The following AGXT variants were observed in gnomAD, a reference collection of about 807,000 sequenced individuals.
AGXT encodes the protein L-alanine: glyoxylate aminotransferase 1.
AGXT carries 41 observed loss-of-function variants against 46.9 expected under a neutral mutation model. The ratio of observed to expected loss-of-function variants is 0.88; its 90% CI spans 0.68 to 1.14. AGXT has a LOEUF of 1.14. AGXT is among the 50% of genes most tolerant of loss of function. The pLI is 0.00. For synonymous variants in AGXT, 244 were observed against 227.9 expected (o/e 1.07, Z -0.64); for missense variants, 525 against 522.7 (o/e 1.00, Z -0.04).
In AGXT at chr2:240,878,816, C is replaced by A; in HGVS notation, c.1174C>A (p.Leu392Met). ...CCTGCAGCACTGCCCCAAGAAGAAG[C>A]TGTGACCTGCCCACTGGCACACAGC... ...AALQHCPKKK[L>M] is the part of the protein sequence containing the mutation. Residue 392 changes from leucine (L) to methionine (M), a missense_variant, in exon 11 of 11, where the codon CTG becomes ATG. Coordinates refer to ENST00000307503, the MANE Select transcript of AGXT (RefSeq NM_000030.3). 1.9e-6 allele frequency: 3 copies of A among 1,589,582 alleles called. No homozygotes were observed. The highest frequency in any genetic ancestry group is 2.3e-5 in the South Asian group (2 of 87,048).
At position 240,868,836 on chromosome 2, in the gene AGXT, G is replaced by A. The variant is rs1384282971; in HGVS notation, c.-30G>A. On this transcript the variant is annotated 5_prime_UTR_variant, in exon 1 of 11. Transcript: ENST00000307503. The stretch of plus-strand genomic sequence containing the variant: ...TTTGGCCAAGGCCAGTGCAGCCCCA[G>A]GTTCCCGAGCGGCAGGTTGGGTGCG... 2 of 1,601,664 alleles carry A rather than the reference G, an allele frequency of 1.2e-6. No individual in the cohort carries two copies. Among genetic ancestry groups the A allele is most frequent in the East Asian group, 2.3e-5 (1 of 44,316 alleles).
At chr2:240,875,318 G>A (rs2059018318) in intron 7 of AGXT, 114 bp downstream of exon 7, 10 of 889,328 alleles carry the variant, frequency 1.1e-5, no homozygotes, top group African/African-American at 1.7e-5. Flanking sequence ...CATGCCTCAA[G>A]AACCCCAACT....
rs569794097 is a variant in AGXT at position 240,880,073 on chromosome 2, T to A, written c.*1252T>A. 4.6e-5 allele frequency: 7 copies of A among 152,244 alleles called. No individual in the cohort carries two copies. The highest frequency in any genetic ancestry group is 1.0e-4 in the Non-Finnish European group (7 of 68,058). 9.4% of individuals were successfully genotyped at this position (152,244 alleles called of 1,614,324 possible). ...GGTTATTTCTATTTTGGGGCTGTTA[T>A]GAATACGGAGGTAGTGAAATTCTTA... On this transcript the variant is annotated 3_prime_UTR_variant, in exon 11 of 11. Transcript: ENST00000307503.
chr2:240,878,198 C>T (rs1248206496), intron 10 of AGXT, 48 bp downstream of exon 10: 17 of 1,607,394 alleles, frequency 1.1e-5, no homozygotes, highest in Admixed American at 5.0e-5. Flanking sequence ...AAACCCGCCA[C>T]CCCTCCTTGA....
chr2:240,877,928 A>G (rs1224422198), intron 9 of AGXT, 94 bp from the exon 10 acceptor site: 1 of 1,549,368 alleles, frequency 6.5e-7, no homozygotes, highest in African/African-American at 1.4e-5. Context: ...CTCCTCTGGA[A>G]CCTGAAGCTG....
rs1002302590 is a variant in AGXT at position 240,878,878 on chromosome 2, G to A, written c.*57G>A. On this transcript the variant is annotated 3_prime_UTR_variant, in exon 11 of 11. Transcript: ENST00000307503. Reference sequence around the variant, plus strand: ...CACACCTGTCCCATGCCCACCCTGAGGGATCAGGAGCAAACAGACCCTGCA... The same window carrying A: ...CACACCTGTCCCATGCCCACCCTGAAGGATCAGGAGCAAACAGACCCTGCA... The A allele has an allele frequency of 1.3e-5, 19 of 1,496,126 alleles. No homozygotes were observed. The highest frequency in any genetic ancestry group is 2.8e-5 in the African/African-American group (2 of 72,448). 92.7% of individuals were successfully genotyped at this position (1,496,126 alleles called of 1,614,324 possible).
intron 5 of AGXT, 27 bp from the exon 6 acceptor site, chr2:240,873,951 C>G (rs754550042): frequency 3.7e-6 from 6 of 1,606,412 alleles, no homozygotes; most frequent in Admixed American, 1.7e-5. Flanking sequence ...GGGACTCACC[C>G]GTCCCGAGCA....
At chr2:240,874,686 G>A (rs2059013551) in intron 6 of AGXT, among the ~76,000 whole-genome samples, 2 of 152,232 alleles carry the variant, frequency 1.3e-5, no homozygotes, top group African/African-American at 4.8e-5. Context: ...TCAGGAGCCT[G>A]GGGAGAGGCC....
chr2:240,870,440 AG>A (rs1015879373), intron 2 of AGXT, among the ~76,000 whole-genome samples: 5 of 151,794 alleles, frequency 3.3e-5, no homozygotes, highest in Non-Finnish European at 5.9e-5. Context: ...CTCCAACAGC[AG>A]GGGGGTCAAG....
In AGXT at chr2:240,877,629, C is replaced by G; in HGVS notation, c.939C>G (p.Asp313Glu). Residue 313 changes from aspartate (D) to glutamate (E), a missense_variant, in exon 9 of 11, where the codon GAC becomes GAG. Coordinates refer to ENST00000307503, the MANE Select transcript of AGXT (RefSeq NM_000030.3). ...TGGGGCTGCAGCTCTTCGTGAAGGA[C>G]CCGGTAAGGAGGCCCCTGGCATTGG... is the stretch of plus-strand genomic sequence containing the variant. The part of the protein sequence containing the change: ...QALGLQLFVK[D>E]PALRLPTVTT... 6.4e-7 allele frequency: 1 copy of G among 1,550,774 alleles called. No individual in the cohort carries two copies. Among genetic ancestry groups the G allele is most frequent in the Non-Finnish European group, 8.7e-7 (1 of 1,147,002 alleles).
intron 10 of AGXT, 92 bp from the exon 11 acceptor site, chr2:240,878,622 A>T: frequency 8.1e-7 from 1 of 1,231,504 alleles, no homozygotes; most frequent in Non-Finnish European, 1.1e-6. Flanking sequence ...GTCCTCACTC[A>T]GGTGAGCCCA....
At position 240,877,638 on chromosome 2, in the gene AGXT, G is replaced by A; in HGVS notation, c.942+6G>A. The A allele has an allele frequency of 6.4e-7, 1 of 1,550,544 alleles. No individual in the cohort carries two copies. The highest frequency in any genetic ancestry group is 8.7e-7 in the Non-Finnish European group (1 of 1,146,952). On this transcript the variant is annotated splice_donor_region_variant and intron_variant, in intron 9 of 10. Transcript: ENST00000307503. ...AGCTCTTCGTGAAGGACCCGGTAAG[G>A]AGGCCCCTGGCATTGGGCAGCCCTG...
At position 240,869,220 on chromosome 2, in the gene AGXT, C is replaced by G. The variant is rs202108064; in HGVS notation, c.216C>G (p.Asn72Lys). 2.1e-5 allele frequency: 34 copies of G among 1,613,946 alleles called. No homozygotes were observed. The highest frequency in any genetic ancestry group is 6.7e-5 in the East Asian group (3 of 44,884). The change falls in exon 2 of 11, where the codon AAC becomes AAG. Residue 72 changes from asparagine to lysine, a missense_variant. Transcript: ENST00000307503. ...EGIQYVFQTR[N>K]PLTLVISGSG... Reference sequence around the variant, plus strand: ...TCCAGTACGTGTTCCAGACCAGGAACCCACTCACACTGGTCATCTCTGGCT... The same window carrying G: ...TCCAGTACGTGTTCCAGACCAGGAAGCCACTCACACTGGTCATCTCTGGCT...
Position 240,871,468 on chromosome 2 carries a change from C to A in AGXT, c.524+19C>A. 1 of 1,559,018 alleles carries A rather than the reference C, an allele frequency of 6.4e-7. No homozygotes were observed. On this transcript the variant is annotated intron_variant, in intron 4 of 10. Coordinates refer to ENST00000307503, the MANE Select transcript of AGXT (RefSeq NM_000030.3). ...GCCACAGGTGAGCCTGGCCCCAGGG[C>A]GGTGGACTGGAGCACAGCTCAGAGC...
intron 8 of AGXT, chr2:240,877,043 C>T (rs377762996): frequency 1.2e-5 from 3 of 244,766 alleles, no homozygotes; most frequent in Admixed American, 4.7e-5. Flanking sequence ...CGGGAGGACC[C>T]GTGACCAGAG....
rs2059000336 is a variant in AGXT at position 240,873,036 on chromosome 2, C to T, written c.582C>T (p.Tyr194=). Residue 194 remains tyrosine (Y), a synonymous_variant, in exon 5 of 11, where the codon TAC becomes TAT. Transcript: ENST00000307503. The part of the protein sequence containing the change: ...SVASLGGTPL[Y]MDRQGIDILY... The stretch of plus-strand genomic sequence containing the variant: ...CATCCCTGGGCGGGACCCCCCTTTA[C>T]ATGGACCGGCAAGGTAAGGGTGGGC... 6 of 1,613,740 alleles carry T rather than the reference C, an allele frequency of 3.7e-6. No homozygotes were observed. In the South Asian group the frequency reaches 5.5e-5, roughly 15 times the overall value.
At chr2:240,877,055 T>G (rs1575711834) in intron 8 of AGXT, 1 of 253,508 alleles carries the variant, frequency 3.9e-6, no homozygotes, top group Admixed American at 4.6e-5. Flanking sequence ...TGACCAGAGG[T>G]AATGGCACTG....
At chr2:240,878,316 C>T (rs146262343) in intron 10 of AGXT, among the ~76,000 whole-genome samples, 166 bp downstream of exon 10, 22 of 152,338 alleles carry the variant, frequency 1.4e-4, no homozygotes, top group Admixed American at 3.9e-4. Flanking sequence ...AAAGCGTATC[C>T]TGTCGCCCCT....
chr2:240,869,112 G>T, intron 1 of AGXT, 58 bp from the exon 2 acceptor site: 1 of 1,611,272 alleles, frequency 6.2e-7, no homozygotes, highest in Non-Finnish European at 8.5e-7. Flanking sequence ...GGGGGTCACT[G>T]CCTCCTCACT....
Sources: gnomAD v4.1 joint callset for allele counts (sites outside exome capture counted in the v4.1 genomes callset) on GRCh38, gnomAD v4.1.1 for gene constraint, MANE v1.5 for transcripts, NCBI Gene and HGNC (gene_info 2026-07-23, HGNC 2026-07-21) for gene names.